The following STON1 variants were observed in gnomAD, a reference collection of about 807,000 sequenced individuals.
STON1 encodes the protein stonin 1.
Under a neutral mutation model 60.9 loss-of-function variants are expected in STON1, and 79 were observed. That is an observed-to-expected ratio of 1.30 (90% CI 1.08 to 1.56). The LOEUF is 1.56. STON1 is among the 40% of genes most tolerant of loss of function. The pLI is 0.00. For missense variants in STON1, 1,166 were observed against 858.9 expected, an observed-to-expected ratio of 1.36 and a Z score of -4.47; for synonymous variants, 363 against 306.9, an observed-to-expected ratio of 1.18 and a Z score of -1.91.
intron 1 of STON1, among the ~76,000 whole-genome samples, chr2:48,578,529 TTTCTCCTCCTTCTCCTCCTTCTCCTCC>T (rs139630416): frequency 3.1e-5 from 4 of 129,232 alleles, no homozygotes; most frequent in Non-Finnish European, 6.4e-5. Context: ...CCGCTTCCTC[TTTCTCCTCCTTCTCCTCCTTCTCCTCC>T]TTCTCCTCCT....
chr2:48,595,134 G>T, intron 3 of STON1, 94 bp from the exon 4 acceptor site: 7 of 960,552 alleles, frequency 7.3e-6, no homozygotes, highest in Non-Finnish European at 9.9e-6. Flanking sequence ...TGAGGTTTGT[G>T]CAGTCTGTGC....
intron 1 of STON1, among the ~76,000 whole-genome samples, chr2:48,538,236 C>T (rs1425520098): frequency 1.3e-5 from 2 of 152,128 alleles, no homozygotes; most frequent in Non-Finnish European, 2.9e-5. Context: ...GGATTACAGG[C>T]ATGAGCCACC....
rs748230154 is a variant in STON1 at position 48,591,636 on chromosome 2, AT to A, written c.1931-9del. On this transcript the variant is annotated splice_polypyrimidine_tract_variant and intron_variant, in intron 2 of 3. Transcript: ENST00000404752. The stretch of plus-strand genomic sequence containing the variant: ...GCCATTAAAATACTTTGACTATTTG[AT>A]TTTTTTTCCCTCGAGGTCTAGATCA... 2.5e-6 allele frequency: 4 copies of A among 1,610,188 alleles called. No homozygotes were observed. The highest frequency in any genetic ancestry group is 2.7e-5 in the African/African-American group (2 of 74,722).
intron 1 of STON1, among the ~76,000 whole-genome samples, chr2:48,563,774 G>A (rs1006192436): frequency 5.8e-4 from 88 of 151,918 alleles, no homozygotes; most frequent in African/African-American, 2.0e-3. Context: ...GCTCAATGCA[G>A]CGTCAACCTT....
chr2:48,561,541 C>T (rs1027819041), intron 1 of STON1, among the ~76,000 whole-genome samples: 1 of 152,178 alleles, frequency 6.6e-6, no homozygotes, highest in Non-Finnish European at 1.5e-5. Context: ...GGGTGGATCC[C>T]AGCTCACTGA....
At chr2:48,544,628 C>T (rs2103767047) in intron 1 of STON1, among the ~76,000 whole-genome samples, 2 of 152,316 alleles carry the variant, frequency 1.3e-5, no homozygotes, top group Middle Eastern at 6.8e-3. Context: ...TCACTGCAAC[C>T]TCTGCCTCCC....
chr2:48,533,242 C>T (rs1440917393), intron 1 of STON1, among the ~76,000 whole-genome samples: 7 of 152,050 alleles, frequency 4.6e-5, no homozygotes, highest in Non-Finnish European at 1.0e-4. Flanking sequence ...ATTAGGTGGG[C>T]ATGGTGGCGG....
At chr2:48,585,542 C>G (rs1044369624) in intron 2 of STON1, among the ~76,000 whole-genome samples, 6 of 152,288 alleles carry the variant, frequency 3.9e-5, no homozygotes, top group African/African-American at 7.2e-5. Flanking sequence ...AGCCACCGTG[C>G]CTGGCCCCTG....
chr2:48,564,470 C>CTTCTTCTTCT (rs1558604525), intron 1 of STON1, among the ~76,000 whole-genome samples: 9 of 54,554 alleles, frequency 1.6e-4, no homozygotes, highest in African/African-American at 5.9e-4. Flanking sequence ...TCTTCTTCTT[C>CTTCTTCTTCT]TTCTTCTTCT....
intron 1 of STON1, among the ~76,000 whole-genome samples, chr2:48,561,760 G>C (rs114484555): frequency 6.6e-6 from 1 of 152,216 alleles, no homozygotes; most frequent in Non-Finnish European, 1.5e-5. Context: ...CATTGGTACA[G>C]AGTAATGCTA....
At position 48,562,155 on chromosome 2, in the gene STON1, C is replaced by G. The variant is rs935675183; in HGVS notation, c.-47-18432C>G. ...GGATTACAGGTGTGAGCCACCGCAC[C>G]TGGCCTCATGTTACTTTTGATTAGT... On this transcript the variant is annotated intron_variant, in intron 1 of 3. Coordinates refer to ENST00000404752, the MANE Select transcript of STON1 (RefSeq NM_006873.4). 4.6e-5 allele frequency among the ~76,000 whole-genome samples: 7 copies of G among 152,344 alleles called. No homozygotes were observed. In the South Asian group the frequency reaches 6.2e-4, roughly 14 times the overall value.
At chr2:48,544,426 A>G (rs1340575021) in intron 1 of STON1, among the ~76,000 whole-genome samples, 1 of 152,352 alleles carries the variant, frequency 6.6e-6, no homozygotes. Context: ...GAAAGGGCTG[A>G]CACATTGGCC....
At chr2:48,592,387 T>A (rs552192480) in intron 3 of STON1, among the ~76,000 whole-genome samples, 1 of 151,632 alleles carries the variant, frequency 6.6e-6, no homozygotes, top group Non-Finnish European at 1.5e-5. Flanking sequence ...TAGTGTTCTG[T>A]GGAGCATGCT....
At chr2:48,564,964 A>G (rs1672872686) in intron 1 of STON1, among the ~76,000 whole-genome samples, 1 of 140,700 alleles carries the variant, frequency 7.1e-6, no homozygotes, top group Non-Finnish European at 1.5e-5. Context: ...AACTCCTGAT[A>G]TCAGGTGATC....
chr2:48,540,879 C>G (rs1394814210), intron 1 of STON1, among the ~76,000 whole-genome samples: 1 of 152,092 alleles, frequency 6.6e-6, no homozygotes, highest in East Asian at 1.9e-4. Context: ...TTGGAAAAAG[C>G]CCCCACACAT....
intron 1 of STON1, among the ~76,000 whole-genome samples, chr2:48,532,310 C>G (rs1268127883): frequency 6.6e-6 from 1 of 151,590 alleles, no homozygotes; most frequent in Non-Finnish European, 1.5e-5. Flanking sequence ...GATTACACCA[C>G]TGCACTCCAT....
chr2:48,584,181 A>C (rs1266644544), intron 2 of STON1, among the ~76,000 whole-genome samples: 1 of 152,180 alleles, frequency 6.6e-6, no homozygotes, highest in Non-Finnish European at 1.5e-5. Context: ...AGAGAAATTT[A>C]AGCTCATCTA....
chr2:48,563,141 C>T lies in STON1; in HGVS notation c.-47-17446C>T, dbSNP rs115950525. Among the ~76,000 whole-genome samples, 944 of 152,322 alleles carry T rather than the reference C, an allele frequency of 6.2e-3. 6 individuals are homozygous for T. Among genetic ancestry groups the T allele is most frequent in the African/African-American group, 0.02 (820 of 41,576 alleles). ...CCTAGGCAGAGTGCACACTGGGCAT[C>T]CTGCAGCATTGCAGAGACCCATTCC... On this transcript the variant is annotated intron_variant, in intron 1 of 3. Coordinates refer to ENST00000404752, the MANE Select transcript of STON1 (RefSeq NM_006873.4).
intron 1 of STON1, among the ~76,000 whole-genome samples, chr2:48,564,597 C>CT (rs1672839950): frequency 1.4e-5 from 1 of 71,540 alleles, no homozygotes; most frequent in African/African-American, 4.7e-5. Context: ...CCTCCTCCTC[C>CT]TCCTCCTTCT....
Sources: allele counts gnomAD v4.1 joint callset (sites outside exome capture counted in the v4.1 genomes callset), GRCh38; gene constraint gnomAD v4.1.1; transcripts MANE v1.5; gene names NCBI Gene and HGNC (gene_info 2026-07-23, HGNC 2026-07-21).